The following PRKAR2A variants were observed in gnomAD, a reference collection of about 807,000 sequenced individuals.
PRKAR2A encodes the protein protein kinase cAMP-dependent type II regulatory subunit alpha, also known as cAMP-dependent protein kinase type II-alpha regulatory subunit.
PRKAR2A carries 29 observed loss-of-function variants against 51.9 expected under a neutral mutation model. The ratio of observed to expected loss-of-function variants is 0.56; its 90% CI spans 0.42 to 0.76. The LOEUF is 0.76. Ranked by LOEUF, PRKAR2A falls within the 30% of genes least tolerant of loss-of-function variation. The probability of loss-of-function intolerance (pLI) is 0.00; values close to 1 mark genes in which losing one functional copy is unlikely to be tolerated. For synonymous variants in PRKAR2A, 178 were observed against 186.2 expected (o/e 0.96, Z 0.36); for missense variants, 445 against 512.1 (o/e 0.87, Z 1.26).
chr3:48,746,254 A>G (rs536725052), downstream of PRKAR2A, among the ~76,000 whole-genome samples: 2 of 150,164 alleles, frequency 1.3e-5, no homozygotes, highest in African/African-American at 2.4e-5. Context: ...GCTCACACCT[A>G]TAATTCCAGC....
At chr3:48,809,636 G>A (rs1238343987) in intron 1 of PRKAR2A, among the ~76,000 whole-genome samples, 1 of 142,394 alleles carries the variant, frequency 7.0e-6, no homozygotes, top group Non-Finnish European at 1.5e-5. Flanking sequence ...ATATAGTTTA[G>A]TGACAGACTT....
In PRKAR2A at chr3:48,810,224, ATG is replaced by A. The variant is rs67806867; in HGVS notation, c.263-2542_263-2541del. On this transcript the variant is annotated intron_variant, in intron 1 of 10. Transcript: ENST00000265563. ...AAAACTCACATGTGGAGAGAAATAA[ATG>A]TGTGTGTGTGTGTACACACACACAC... Among the ~76,000 whole-genome samples, 25 of 150,910 alleles carry A rather than the reference ATG, an allele frequency of 1.7e-4. No individual in the cohort carries two copies. The East Asian group carries it at 2.5e-3, about 15-fold the overall frequency.
At chr3:48,838,183 A>C (rs556666427) in intron 1 of PRKAR2A, among the ~76,000 whole-genome samples, 40 of 152,124 alleles carry the variant, frequency 2.6e-4, no homozygotes, top group African/African-American at 6.7e-4. Flanking sequence ...GCTCAAAAAA[A>C]AACAACAACA....
chr3:48,778,240 A>G (rs183883752), intron 5 of PRKAR2A, among the ~76,000 whole-genome samples: 31 of 151,728 alleles, frequency 2.0e-4, no homozygotes, highest in Non-Finnish European at 3.5e-4. Flanking sequence ...AGTAATCCAT[A>G]TCGGCCTCCC....
intron 2 of PRKAR2A, among the ~76,000 whole-genome samples, chr3:48,801,073 G>A (rs2082582071): frequency 6.6e-6 from 1 of 152,176 alleles, no homozygotes; most frequent in Admixed American, 6.5e-5. Context: ...ACTGCCTCCT[G>A]GGTTCAAGTG....
downstream of PRKAR2A, among the ~76,000 whole-genome samples, chr3:48,745,037 GATA>G (rs1279348688): frequency 1.3e-5 from 2 of 151,960 alleles, no homozygotes; most frequent in African/African-American, 2.4e-5. Context: ...ACCACACCTG[GATA>G]ATATTTGTAT....
intron 5 of PRKAR2A, among the ~76,000 whole-genome samples, chr3:48,777,626 C>T (rs1483415720): frequency 2.0e-5 from 3 of 152,052 alleles, no homozygotes; most frequent in East Asian, 1.9e-4. Flanking sequence ...AGGATGGTCT[C>T]GATCTCCTGA....
rs1387006 is a variant in PRKAR2A, at chr3:48,752,265, T to A, written c.992A>T (p.His331Leu). 29 of 1,614,088 alleles carry A rather than the reference T, an allele frequency of 1.8e-5. No homozygotes were observed. The Admixed American group carries it at 4.8e-4, about 27-fold the overall frequency. The change falls in exon 10 of 11, where the codon CAT (histidine) becomes CTT (leucine). Residue 331 changes from histidine to leucine, a missense_variant. Physicochemically the swap from His to Leu is moderately conservative, Grantham distance 99 (BLOSUM62 -3). Coordinates refer to ENST00000265563, the MANE Select transcript of PRKAR2A (RefSeq NM_004157.4). ...AAGCTCTCCAAAGTACTGCCCCTTA[T>A]GGCAGCGGGCAATCTCGACCTCCTG... Reference protein sequence around the residue: ...GNQEVEIARCHKGQYFGELAL... With the variant: ...GNQEVEIARCLKGQYFGELAL...
intron 1 of PRKAR2A, among the ~76,000 whole-genome samples, chr3:48,827,287 T>C (rs1220059787): frequency 1.3e-5 from 2 of 150,940 alleles, no homozygotes; most frequent in Admixed American, 1.3e-4. Context: ...TCCAATAATC[T>C]TCCCCAAAAG....
intron 1 of PRKAR2A, among the ~76,000 whole-genome samples, chr3:48,828,726 A>AAG (rs1553680732): frequency 2.6e-5 from 4 of 151,084 alleles, no homozygotes; most frequent in Admixed American, 6.6e-5. Flanking sequence ...AAAAAAAAAA[A>AAG]AAAGAAAGAA....
At chr3:48,841,413 C>T (rs1458602238) in intron 1 of PRKAR2A, among the ~76,000 whole-genome samples, 4 of 151,290 alleles carry the variant, frequency 2.6e-5, no homozygotes, top group East Asian at 2.0e-4. Flanking sequence ...AGTGTGGTGG[C>T]GCATGCCTGT....
intron 8 of PRKAR2A, among the ~76,000 whole-genome samples, chr3:48,760,027 T>C (rs1232944890): frequency 6.6e-6 from 1 of 152,162 alleles, no homozygotes; most frequent in Non-Finnish European, 1.5e-5. Flanking sequence ...CTATCAATCA[T>C]GAAAATTACT....
intron 1 of PRKAR2A, among the ~76,000 whole-genome samples, chr3:48,843,146 AGT>A (rs2083406144): frequency 6.6e-6 from 1 of 151,696 alleles, no homozygotes; most frequent in Non-Finnish European, 1.5e-5. Flanking sequence ...GTCTTGGGAG[AGT>A]GTGTCGAGGA....
At chr3:48,827,174 G>A (rs1169736195) in intron 1 of PRKAR2A, among the ~76,000 whole-genome samples, 2 of 151,778 alleles carry the variant, frequency 1.3e-5, no homozygotes, top group East Asian at 3.9e-4. Context: ...TTTTTTTTGG[G>A]CTGAGAAACC....
chr3:48,790,701 G>T, intron 3 of PRKAR2A, 74 bp from the exon 4 acceptor site: 2 of 958,142 alleles, frequency 2.1e-6, no homozygotes, highest in Non-Finnish European at 2.9e-6. Flanking sequence ...TGGTATATTT[G>T]TTTCTCCAAA....
chr3:48,813,421 C>T (rs954954341), intron 1 of PRKAR2A, among the ~76,000 whole-genome samples: 1 of 151,758 alleles, frequency 6.6e-6, no homozygotes, highest in African/African-American at 2.4e-5. Context: ...AAAGGCTGGA[C>T]ATGGTGGCTC....
At chr3:48,816,645 G>T (rs1295898250) in intron 1 of PRKAR2A, among the ~76,000 whole-genome samples, 3 of 151,872 alleles carry the variant, frequency 2.0e-5, no homozygotes, top group African/African-American at 7.3e-5. Context: ...TCAAAAAAAA[G>T]AAAAAATTTA....
chr3:48,769,306 T>C (rs956299311), intron 6 of PRKAR2A, among the ~76,000 whole-genome samples: 60 of 151,572 alleles, frequency 4.0e-4, no homozygotes, highest in Admixed American at 5.9e-4. Flanking sequence ...TACAGGCGCC[T>C]GCCACCGCGC....
In PRKAR2A at chr3:48,746,701, G is replaced by A. The variant is rs1276884110; in HGVS notation, c.*4884C>T. ...AACAGTGACTTAATTCTTAATGACT[G>A]TTCATTATATGTTTAACACCACAGA... On this transcript the variant is annotated 3_prime_UTR_variant, in exon 11 of 11. Transcript: ENST00000265563. 1 of 152,276 alleles carries A rather than the reference G, an allele frequency of 6.6e-6. No individual in the cohort carries two copies. The highest frequency in any genetic ancestry group is 2.4e-5 in the African/African-American group (1 of 41,532). The allele number at this position is 152,276 out of a possible 1,614,324, so 9.4% of individuals were successfully genotyped here. A position where few individuals can be genotyped will look rare whatever the true frequency, so the allele number is the denominator to read the frequency against.
Sources: gnomAD v4.1 joint callset for allele counts (sites outside exome capture counted in the v4.1 genomes callset) on GRCh38, gnomAD v4.1.1 for gene constraint, MANE v1.5 for transcripts, NCBI Gene and HGNC (gene_info 2026-07-23, HGNC 2026-07-21) for gene names.